The following UNC5C variants were observed in gnomAD, a reference collection of about 807,000 sequenced individuals.
UNC5C encodes unc-5 netrin receptor C.
Under a neutral mutation model 99.8 loss-of-function variants are expected in UNC5C, and 47 were observed. That is an observed-to-expected ratio of 0.47 (90% CI 0.37 to 0.60). The LOEUF (loss-of-function observed/expected upper bound fraction) is 0.60. Ranked by LOEUF, UNC5C falls within the 20% of genes least tolerant of loss-of-function variation. The pLI is 0.00. For missense variants in UNC5C, 1,062 were observed against 1,165.9 expected (o/e 0.91, Z 1.30); for synonymous variants, 487 against 452.2 (o/e 1.08, Z -0.98).
intron 4 of UNC5C, among the ~76,000 whole-genome samples, chr4:95,272,296 T>C (rs1740691331): frequency 1.3e-5 from 2 of 152,232 alleles, no homozygotes; most frequent in African/African-American, 4.8e-5. Context: ...TATAAGTGAA[T>C]TGATGATTTT....
chr4:95,184,497 A>G (rs1196811776), intron 13 of UNC5C, among the ~76,000 whole-genome samples: 4 of 152,198 alleles, frequency 2.6e-5, no homozygotes, highest in Non-Finnish European at 5.9e-5. Context: ...AAGGAGGGGA[A>G]AATTCCTTGA....
intron 1 of UNC5C, among the ~76,000 whole-genome samples, chr4:95,340,131 C>G (rs1743509317): frequency 6.6e-6 from 1 of 151,996 alleles, no homozygotes; most frequent in South Asian, 2.1e-4. Context: ...CCACCTAATT[C>G]TTCACAGGAA....
intron 1 of UNC5C, among the ~76,000 whole-genome samples, chr4:95,423,524 C>T (rs1746378410): frequency 6.6e-6 from 1 of 152,188 alleles, no homozygotes; most frequent in Non-Finnish European, 1.5e-5. Flanking sequence ...CAATAAAATA[C>T]ATTCAAAAAG....
chr4:95,508,918 T>C (rs535548895), intron 1 of UNC5C, among the ~76,000 whole-genome samples: 28 of 152,034 alleles, frequency 1.8e-4, no homozygotes, highest in African/African-American at 6.0e-4. Context: ...ATGAATATTC[T>C]AGATTCAGGA....
chr4:95,335,257 A>C (rs1560791763), intron 2 of UNC5C, among the ~76,000 whole-genome samples, 153 bp downstream of exon 2: 1 of 152,150 alleles, frequency 6.6e-6, no homozygotes, highest in Non-Finnish European at 1.5e-5. Context: ...ACATGAAACA[A>C]GATCACCAAA....
chr4:95,387,534 A>C (rs954478580), intron 1 of UNC5C, among the ~76,000 whole-genome samples: 2 of 152,180 alleles, frequency 1.3e-5, no homozygotes, highest in Admixed American at 6.6e-5. Context: ...TTTCTGCCCT[A>C]GCTTCACTTT....
chr4:95,348,690 T>C (rs911169194), intron 1 of UNC5C, among the ~76,000 whole-genome samples: 2 of 150,970 alleles, frequency 1.3e-5, no homozygotes, highest in African/African-American at 4.9e-5. Flanking sequence ...CAAGCAGGTA[T>C]ATGAAAAGGT....
At chr4:95,282,608 T>C (rs1160427440) in intron 3 of UNC5C, among the ~76,000 whole-genome samples, 1 of 152,204 alleles carries the variant, frequency 6.6e-6, no homozygotes, top group Non-Finnish European at 1.5e-5. Flanking sequence ...CAACAAAGTC[T>C]GGACAGCCAT....
chr4:95,483,563 A>C (rs977774792), intron 1 of UNC5C, among the ~76,000 whole-genome samples: 1 of 151,824 alleles, frequency 6.6e-6, no homozygotes, highest in African/African-American at 2.4e-5. Context: ...GAATGAATTT[A>C]GTAAGGCTGA....
At chr4:95,193,375 C>T (rs1464077489) in intron 12 of UNC5C, among the ~76,000 whole-genome samples, 1 of 152,190 alleles carries the variant, frequency 6.6e-6, no homozygotes, top group African/African-American at 2.4e-5. Context: ...AACCGCTCTC[C>T]GTGCTGGAGC....
chr4:95,177,024 C>A (rs1736389379), intron 14 of UNC5C, among the ~76,000 whole-genome samples: 1 of 152,190 alleles, frequency 6.6e-6, no homozygotes, highest in Admixed American at 6.5e-5. Flanking sequence ...GTCTGTCACC[C>A]CTTTCTTTGA....
intron 1 of UNC5C, among the ~76,000 whole-genome samples, chr4:95,445,256 A>G (rs1009790004): frequency 2.0e-5 from 3 of 151,954 alleles, no homozygotes; most frequent in Admixed American, 2.0e-4. Flanking sequence ...CATCATTTCC[A>G]TTCTTAGTTT....
At chr4:95,317,418 G>T (rs1447936674) in intron 2 of UNC5C, among the ~76,000 whole-genome samples, 1 of 152,126 alleles carries the variant, frequency 6.6e-6, no homozygotes, top group Non-Finnish European at 1.5e-5. Context: ...GCTAGGCCAA[G>T]CAAAAATAAG....
intron 1 of UNC5C, among the ~76,000 whole-genome samples, chr4:95,402,469 C>A (rs1745727822): frequency 6.6e-6 from 1 of 152,128 alleles, no homozygotes. Flanking sequence ...AGTGCTTAGC[C>A]TTGAGGGGAA....
At chr4:95,321,792 C>G (rs932246111) in intron 2 of UNC5C, among the ~76,000 whole-genome samples, 6 of 152,138 alleles carry the variant, frequency 3.9e-5, no homozygotes, top group African/African-American at 1.2e-4. Context: ...AATTGATATT[C>G]TGTTATGACT....
intron 2 of UNC5C, among the ~76,000 whole-genome samples, chr4:95,328,067 T>TAA (rs1742967297): frequency 7.2e-6 from 1 of 138,384 alleles, no homozygotes; most frequent in African/African-American, 2.7e-5. Context: ...TTTTAATTTT[T>TAA]TTTTTTTTTT....
At chr4:95,249,328 G>A (rs1739610352) in intron 5 of UNC5C, among the ~76,000 whole-genome samples, 1 of 152,132 alleles carries the variant, frequency 6.6e-6, no homozygotes, top group Non-Finnish European at 1.5e-5. Context: ...CCCTCCTTCA[G>A]TCAGTAAGAC....
intron 1 of UNC5C, among the ~76,000 whole-genome samples, chr4:95,513,478 T>C (rs1722130882): frequency 6.6e-6 from 1 of 152,220 alleles, no homozygotes; most frequent in Non-Finnish European, 1.5e-5. Context: ...GTATGACCTC[T>C]ACTTTTCCTT....
Position 95,424,587 on chromosome 4 carries a change from T to TCTCGGCTCACTGCAAG in UNC5C, c.125-88972_125-88957dup, listed in dbSNP as rs776096165. ...CCCTGGCTGGAGTGCAGTGGCGCAA[T>TCTCGGCTCACTGCAAG]CTCGGCTCACTGCAAGCTCCACCTC... On this transcript the variant is annotated intron_variant, in intron 1 of 15. Coordinates refer to ENST00000453304, the MANE Select transcript of UNC5C (RefSeq NM_003728.4). Among the ~76,000 whole-genome samples, 21 of 138,296 alleles carry TCTCGGCTCACTGCAAG rather than the reference T, an allele frequency of 1.5e-4. 1 individual carries two copies. In the East Asian group the frequency reaches 1.7e-3, roughly 11 times the overall value. The allele number at this position is 138,296 out of a possible 152,430, so 90.7% of individuals were successfully genotyped here.
Sources: allele counts gnomAD v4.1 joint callset (sites outside exome capture counted in the v4.1 genomes callset), GRCh38; gene constraint gnomAD v4.1.1; transcripts MANE v1.5; gene names NCBI Gene and HGNC (gene_info 2026-07-23, HGNC 2026-07-21).